The following DST variants were observed in gnomAD, a reference collection of about 807,000 sequenced individuals.
DST encodes dystonin, also known as bullous pemphigoid antigen.
A neutral mutation model predicts 875.2 loss-of-function variants in DST; 253 were observed. The observed-to-expected ratio is 0.29, with a 90% CI of 0.26 to 0.32. DST has a LOEUF of 0.32. Among genes scored for constraint, DST ranks in the 10% least tolerant of loss-of-function variants. The pLI, the probability that DST is intolerant of heterozygous loss-of-function variation, is 1.00. For missense variants in DST, 8,287 were observed against 9,111.6 expected, an observed-to-expected ratio of 0.91 and a Z score of 3.68; for synonymous variants, 3,124 against 3,197.1, an observed-to-expected ratio of 0.98 and a Z score of 0.77.
intron 4 of DST, among the ~76,000 whole-genome samples, chr6:56,737,384 A>G (rs1280854234): frequency 2.0e-5 from 3 of 149,898 alleles, no homozygotes; most frequent in African/African-American, 2.5e-5. Flanking sequence ...TGAAAATGTA[A>G]TTTAATTTAA....
chr6:56,636,879 C>G (rs916836320), intron 22 of DST, among the ~76,000 whole-genome samples: 9 of 152,098 alleles, frequency 5.9e-5, no homozygotes, highest in African/African-American at 2.2e-4. Flanking sequence ...GTCAGGAGTT[C>G]AAGACCAGCC....
At chr6:56,695,272 T>C (rs896673961) in intron 9 of DST, among the ~76,000 whole-genome samples, 3 of 151,970 alleles carry the variant, frequency 2.0e-5, no homozygotes, top group African/African-American at 7.3e-5. Context: ...TCTGAGACCT[T>C]ACCAGAAGCA....
chr6:56,947,660 T>C (rs955927583), intron 2 of DST, among the ~76,000 whole-genome samples: 3 of 152,246 alleles, frequency 2.0e-5, no homozygotes, highest in African/African-American at 7.2e-5. Flanking sequence ...TCATTTTTAT[T>C]ATAGCTGACA....
At chr6:56,812,948 G>A (rs911507137) in intron 4 of DST, among the ~76,000 whole-genome samples, 5 of 151,318 alleles carry the variant, frequency 3.3e-5, no homozygotes, top group East Asian at 1.9e-4. Flanking sequence ...TGTTTATTGC[G>A]GCACTATTCA....
chr6:56,875,271 A>C (rs1779177000), intron 3 of DST, among the ~76,000 whole-genome samples: 1 of 152,192 alleles, frequency 6.6e-6, no homozygotes, highest in Non-Finnish European at 1.5e-5. Flanking sequence ...GGCATGAGCC[A>C]CCATGCCCCG....
Position 56,615,901 on chromosome 6 carries a change from T to C in DST, c.4930-1417A>G, listed in dbSNP as rs777769898. ...TGGGATGGCCAATCCCTGTGATTAC[T>C]AATTCACACTGTCGCAGCTGCTGGG... On this transcript the variant is annotated intron_variant, in intron 36 of 103. Transcript: ENST00000680361. The C allele has an allele frequency of 1.9e-6, 3 of 1,614,090 alleles. No individual in the cohort carries two copies. In the African/African-American group the frequency reaches 4.0e-5, roughly 22 times the overall value.
Position 56,466,164 on chromosome 6 carries a change from C to T in DST, c.22601G>A (p.Arg7534Gln), listed in dbSNP as rs1255175152. 1.9e-6 allele frequency: 3 copies of T among 1,610,882 alleles called. No homozygotes were observed. Among genetic ancestry groups the T allele is most frequent in the Non-Finnish European group, 8.5e-7 (1 of 1,178,380 alleles). The change falls in exon 99 of 104, where the codon CGG (arginine) becomes CAG (glutamine). Residue 7534 changes from arginine (R) to glutamine (Q), a missense_variant. Transcript: ENST00000680361. Reference protein sequence around the residue: ...FGDSQQLRLVRILRSTVMVRV... With the variant: ...FGDSQQLRLVQILRSTVMVRV... Reference sequence around the variant, plus strand: ...AACCATCACAGTACTCCGCAGGATCCGGACCAGTCGCAGTTGCTGGGAGTC... The same window carrying T: ...AACCATCACAGTACTCCGCAGGATCTGGACCAGTCGCAGTTGCTGGGAGTC...
At chr6:56,922,681 T>C (rs1455145082) in intron 2 of DST, among the ~76,000 whole-genome samples, 1 of 152,182 alleles carries the variant, frequency 6.6e-6, no homozygotes, top group African/African-American at 2.4e-5. Context: ...TTCCATATCC[T>C]CCTTCCAGCT....
chr6:56,747,834 G>A (rs1320857011), intron 4 of DST, among the ~76,000 whole-genome samples: 1 of 151,934 alleles, frequency 6.6e-6, no homozygotes, highest in Non-Finnish European at 1.5e-5. Context: ...TAAGTAATTT[G>A]GTGTTTTAAA....
At chr6:56,615,911 T>C (rs1486606214) in intron 36 of DST, 2 of 1,614,104 alleles carry the variant, frequency 1.2e-6, no homozygotes, top group African/African-American at 2.7e-5. Context: ...TAATTCACAC[T>C]GTCGCAGCTG....
intron 4 of DST, among the ~76,000 whole-genome samples, chr6:56,792,574 C>G (rs1323901137): frequency 1.3e-5 from 2 of 151,988 alleles, no homozygotes; most frequent in Admixed American, 1.3e-4. Flanking sequence ...TAGCTGGGAA[C>G]ACAGGGGTAC....
intron 53 of DST, among the ~76,000 whole-genome samples, chr6:56,571,508 G>A (rs939365493): frequency 6.6e-6 from 1 of 152,106 alleles, no homozygotes; most frequent in African/African-American, 2.4e-5. Context: ...ATAAACTTTA[G>A]CAAAATCCGA....
At chr6:56,683,837 A>G (rs2099168194) in intron 9 of DST, among the ~76,000 whole-genome samples, 1 of 152,240 alleles carries the variant, frequency 6.6e-6, no homozygotes, top group African/African-American at 2.4e-5. Flanking sequence ...CCAATGGGGA[A>G]CACAAGCCTC....
chr6:56,851,192 C>G lies in DST; in HGVS notation c.625+205G>C, dbSNP rs147976944. ...CGATTCGTCCAACCAGAAGGCAGGG[C>G]CAAACAGCTTAGTCACCAGCAGGCA... On this transcript the variant is annotated intron_variant, in intron 4 of 103. Coordinates refer to ENST00000680361, the MANE Select transcript of DST (RefSeq NM_001374736.1). 3,195 of 574,002 alleles carry G rather than the reference C, an allele frequency of 5.6e-3. 89 individuals are homozygous for G. The Admixed American group carries it at 0.061, about 11-fold the overall frequency. 35.6% of individuals were successfully genotyped at this position (574,002 alleles called of 1,614,324 possible). A position where few individuals can be genotyped will look rare whatever the true frequency, so the allele number is the denominator to read the frequency against.
At chr6:56,537,497 T>G (rs1030721507) in intron 61 of DST, among the ~76,000 whole-genome samples, 2 of 151,924 alleles carry the variant, frequency 1.3e-5, no homozygotes, top group Non-Finnish European at 2.9e-5. Flanking sequence ...AATACAGAGA[T>G]AGGAAAATGA....
intron 2 of DST, among the ~76,000 whole-genome samples, chr6:56,924,680 T>A (rs996995863): frequency 6.6e-6 from 1 of 152,198 alleles, no homozygotes; most frequent in African/African-American, 2.4e-5. Context: ...AGAGCTAGTT[T>A]TTTTTTGGTA....
intron 62 of DST, among the ~76,000 whole-genome samples, chr6:56,535,803 C>G (rs999605808): frequency 6.6e-6 from 1 of 152,158 alleles, no homozygotes; most frequent in Non-Finnish European, 1.5e-5. Flanking sequence ...CTTTTTTCAA[C>G]AAACCAGGCC....
At chr6:56,726,960 C>G (rs1474743921) in intron 5 of DST, among the ~76,000 whole-genome samples, 1 of 152,092 alleles carries the variant, frequency 6.6e-6, no homozygotes, top group Non-Finnish European at 1.5e-5. Flanking sequence ...GAATAACAAA[C>G]CAAGTCTAGT....
rs527420122 is a variant in DST at position 56,858,842 on chromosome 6, T to C, written c.418-7238A>G. ...AAGCATTTTCACTGACTATCTTATTTAATACTCACTGAAATCCAATAAGAA... is the reference window on the plus strand; with the variant it reads ...AAGCATTTTCACTGACTATCTTATTCAATACTCACTGAAATCCAATAAGAA... On this transcript the variant is annotated intron_variant, in intron 3 of 103. Coordinates refer to ENST00000680361, the MANE Select transcript of DST (RefSeq NM_001374736.1). 4.1e-4 allele frequency among the ~76,000 whole-genome samples: 63 copies of C among 152,344 alleles called. No individual in the cohort carries two copies. In the South Asian group the frequency reaches 7.7e-3, roughly 19 times the overall value.
Sources: allele counts gnomAD v4.1 joint callset (sites outside exome capture counted in the v4.1 genomes callset), GRCh38; gene constraint gnomAD v4.1.1; transcripts MANE v1.5; gene names NCBI Gene and HGNC (gene_info 2026-07-23, HGNC 2026-07-21).